MYH11: variants seen among roughly 807,000 people sequenced by gnomAD.
MYH11 encodes the protein myosin-11.
Under a neutral mutation model 246.6 loss-of-function variants are expected in MYH11, and 80 were observed. The ratio of observed to expected loss-of-function variants is 0.32; its 90% CI spans 0.27 to 0.39. The LOEUF (loss-of-function observed/expected upper bound fraction) is 0.39. Ranked by LOEUF, MYH11 falls within the 10% of genes least tolerant of loss-of-function variation. The pLI is 1.00. For synonymous variants in MYH11, 1,071 were observed against 1,015.5 expected (o/e 1.05, Z -1.04); for missense variants, 2,158 against 2,546.8 (o/e 0.85, Z 3.29).
intron 3 of MYH11, among the ~76,000 whole-genome samples, chr16:15,814,382 A>G (rs1211578659): frequency 2.0e-5 from 3 of 151,584 alleles, no homozygotes; most frequent in Non-Finnish European, 4.4e-5. Flanking sequence ...GTTGAACCCC[A>G]TCTCTATTTA....
intron 2 of MYH11, among the ~76,000 whole-genome samples, chr16:15,831,595 T>C (rs1161717879): frequency 6.6e-6 from 1 of 152,060 alleles, no homozygotes; most frequent in Non-Finnish European, 1.5e-5. Flanking sequence ...GGTCTTTGCA[T>C]AGATTATCCT....
chr16:15,706,367 TC>T (rs1398256093), intron 40 of MYH11, among the ~76,000 whole-genome samples: 1 of 152,104 alleles, frequency 6.6e-6, no homozygotes, highest in African/African-American at 2.4e-5. Flanking sequence ...CCCTGTACGC[TC>T]CCCACACAGC....
intron 40 of MYH11, chr16:15,711,095 G>A (rs970585420): frequency 4.6e-5 from 7 of 152,250 alleles, no homozygotes; most frequent in African/African-American, 1.7e-4. Flanking sequence ...TATCCATGGG[G>A]GACCAACAAG....
chr16:15,737,852 G>C (rs1231626967), intron 24 of MYH11, among the ~76,000 whole-genome samples: 2 of 152,076 alleles, frequency 1.3e-5, no homozygotes, highest in Non-Finnish European at 2.9e-5. Flanking sequence ...GAGTGCAGTG[G>C]CGCAATCTCA....
chr16:15,718,767 C>G lies in MYH11; in HGVS notation c.5172-329G>C, dbSNP rs939674993. 7 of 454,084 alleles carry G rather than the reference C, an allele frequency of 1.5e-5. No homozygotes were observed. The East Asian group carries it at 2.2e-4, about 14-fold the overall frequency. 28.1% of individuals were successfully genotyped at this position (454,084 alleles called of 1,614,324 possible). ...CCCCAAACAGGCATGAAAGCGCTGA[C>G]GGAAAACCTAACCACCATGGGTCTG... On this transcript the variant is annotated intron_variant, in intron 36 of 40. Transcript: ENST00000300036.
intron 40 of MYH11, among the ~76,000 whole-genome samples, chr16:15,705,984 C>CAAAAAAAAAAAA (rs57451847): frequency 0.013 from 745 of 56,682 alleles, 107 homozygotes; most frequent in African/African-American, 0.029. Flanking sequence ...GACTCCGTCT[C>CAAAAAAAAAAAA]AAAAAAAAAA....
chr16:15,735,987 A>G (rs1307218853), intron 25 of MYH11, among the ~76,000 whole-genome samples: 1 of 152,224 alleles, frequency 6.6e-6, no homozygotes, highest in Non-Finnish European at 1.5e-5. Context: ...TACCCGCCCC[A>G]TGCACAGCAT....
At position 15,739,747 on chromosome 16, in the gene MYH11, C is replaced by CTT. The variant is rs111275327; in HGVS notation, c.2997+302_2997+303dup. 8.2e-5 allele frequency among the ~76,000 whole-genome samples: 12 copies of CTT among 145,956 alleles called. No homozygotes were observed. In the East Asian group the frequency reaches 1.6e-3, roughly 19 times the overall value. ...TTTTTAATGCAGAAACTTGATTCCACTTTTTTTTTTTTTTGAAACAGAGTC... is the reference window on the plus strand; with the variant it reads ...TTTTTAATGCAGAAACTTGATTCCACTTTTTTTTTTTTTTTTGAAACAGAGTC... On this transcript the variant is annotated intron_variant, in intron 23 of 40. Transcript: ENST00000300036.
At position 15,828,408 on chromosome 16, in the gene MYH11, C is replaced by T. The variant is rs542194549; in HGVS notation, c.346-4997G>A. Among the ~76,000 whole-genome samples, 49 of 152,254 alleles carry T rather than the reference C, an allele frequency of 3.2e-4. No individual in the cohort carries two copies. The South Asian group carries it at 3.5e-3, about 11-fold the overall frequency. On this transcript the variant is annotated intron_variant, in intron 2 of 40. Coordinates refer to ENST00000300036, the MANE Select transcript of MYH11 (RefSeq NM_002474.3). ...TTGGAACACTTTTCCCCTCATCTTC[C>T]CACAGCTGGTTCCCTCTCCTCTTTT...
intron 1 of MYH11, among the ~76,000 whole-genome samples, chr16:15,855,621 G>A (rs1406955628): frequency 6.6e-6 from 1 of 152,160 alleles, no homozygotes; most frequent in Non-Finnish European, 1.5e-5. Flanking sequence ...TAAGTTAAAT[G>A]TTGCAACAGC....
At chr16:15,854,816 G>A (rs1259084772) in intron 1 of MYH11, among the ~76,000 whole-genome samples, 1 of 151,790 alleles carries the variant, frequency 6.6e-6, no homozygotes, top group Non-Finnish European at 1.5e-5. Context: ...CTGTGGAAAG[G>A]AGACAATTCC....
chr16:15,735,774 C>T (rs1259890212), intron 25 of MYH11, among the ~76,000 whole-genome samples, 196 bp from the exon 26 acceptor site: 1 of 152,198 alleles, frequency 6.6e-6, no homozygotes, highest in Admixed American at 6.6e-5. Flanking sequence ...CAAGGTCTGA[C>T]ATCAAAACAG....
intron 1 of MYH11, among the ~76,000 whole-genome samples, chr16:15,843,699 C>CA (rs35135287): frequency 0.59 from 79,196 of 134,086 alleles, 23,582 homozygotes; most frequent in Admixed American, 0.68. Context: ...GACTCCGTCT[C>CA]AAAAAAAAAA....
At chr16:15,805,324 A>G (rs2042984176) in intron 3 of MYH11, among the ~76,000 whole-genome samples, 1 of 152,204 alleles carries the variant, frequency 6.6e-6, no homozygotes. Flanking sequence ...AGTGGTTCCC[A>G]TGGTCCACAG....
intron 22 of MYH11, among the ~76,000 whole-genome samples, chr16:15,740,932 T>C (rs1364797547): frequency 6.6e-6 from 1 of 152,138 alleles, no homozygotes; most frequent in Non-Finnish European, 1.5e-5. Flanking sequence ...GGAAGGACAC[T>C]CAAGCAGCCC....
At position 15,719,323 on chromosome 16, in the gene MYH11, G is replaced by C; in HGVS notation, c.5083-15C>G. On this transcript the variant is annotated splice_polypyrimidine_tract_variant and intron_variant, in intron 35 of 40. Coordinates refer to ENST00000300036, the MANE Select transcript of MYH11 (RefSeq NM_002474.3). ...GCGGCGAGGTCCTAGGTGGGAGGGA[G>C]GAAGGCTGTTGTCTGCCAGGGAAAG... is the stretch of plus-strand genomic sequence containing the variant. The C allele has an allele frequency of 6.2e-7, 1 of 1,608,582 alleles. No individual in the cohort carries two copies. Among genetic ancestry groups the C allele is most frequent in the East Asian group, 2.2e-5 (1 of 44,870 alleles).
intron 3 of MYH11, among the ~76,000 whole-genome samples, chr16:15,804,166 TTC>T (rs58442204): frequency 5.3e-5 from 8 of 151,118 alleles, no homozygotes; most frequent in Non-Finnish European, 5.9e-5. Context: ...GCCTAATCCA[TTC>T]TCTCTCTCTC....
intron 28 of MYH11, chr16:15,725,790 C>T: frequency 2.5e-6 from 1 of 398,456 alleles, no homozygotes; most frequent in Non-Finnish European, 4.4e-6. Flanking sequence ...AATGGCTATG[C>T]CAAGTGAAAG....
chr16:15,808,675 T>C (rs1224797231), intron 3 of MYH11, among the ~76,000 whole-genome samples: 2 of 152,108 alleles, frequency 1.3e-5, no homozygotes. Context: ...GGCAGAAGGA[T>C]TGCTTGAGGC....
Sources: gnomAD v4.1 joint callset for allele counts (sites outside exome capture counted in the v4.1 genomes callset) on GRCh38, gnomAD v4.1.1 for gene constraint, MANE v1.5 for transcripts, NCBI Gene and HGNC (gene_info 2026-07-23, HGNC 2026-07-21) for gene names.